Variants in CR1L observed in about 807,000 individuals in gnomAD.
CR1L encodes the protein complement component receptor 1-like protein.
Under a neutral mutation model 62.3 loss-of-function variants are expected in CR1L, and 59 were observed. The observed-to-expected ratio is 0.95, with a 90% CI of 0.77 to 1.18. The LOEUF is 1.18. Ranked by LOEUF, CR1L falls within the 50% of genes most tolerant of loss-of-function variation. The pLI, the probability that CR1L is intolerant of heterozygous loss-of-function variation, is 0.00. For synonymous variants in CR1L, 279 were observed against 248.7 expected, an observed-to-expected ratio of 1.12 and a Z score of -1.15; for missense variants, 700 against 702.8, an observed-to-expected ratio of 1.00 and a Z score of 0.04.
intron 9 of CR1L, among the ~76,000 whole-genome samples, chr1:207,705,366 A>G (rs1664251016): frequency 6.6e-6 from 1 of 152,238 alleles, no homozygotes; most frequent in South Asian, 2.1e-4. Flanking sequence ...AACCTATAAC[A>G]GAGTCCCTTT....
At chr1:207,694,286 A>G in intron 4 of CR1L, 67 bp from the exon 5 acceptor site, 2 of 1,567,844 alleles carry the variant, frequency 1.3e-6, no homozygotes, top group Admixed American at 3.6e-5. Flanking sequence ...AAAAATAGTT[A>G]CAGTTTAGTG....
chr1:207,669,122 C>A (rs749203146), intron 1 of CR1L: 1 of 261,014 alleles, frequency 3.8e-6, no homozygotes, highest in Non-Finnish European at 7.5e-6. Context: ...CATCATCCAC[C>A]GCCTTTGTCT....
intron 1 of CR1L, among the ~76,000 whole-genome samples, chr1:207,656,970 A>G (rs1431931313): frequency 6.6e-6 from 1 of 152,238 alleles, no homozygotes; most frequent in Admixed American, 6.5e-5. Context: ...TTGGGATGAT[A>G]TATTTGCTCA....
rs12074679 is a variant in CR1L at position 207,707,945 on chromosome 1, A to G, written c.1329-233A>G. On this transcript the variant is annotated intron_variant, in intron 9 of 11. Coordinates refer to ENST00000508064, the MANE Select transcript of CR1L (RefSeq NM_175710.2). ...ATTTTGGTGCCAGGTACAGTCCACA[A>G]TGAAGTCAAGATATTAAGAAGTAAA... Among the ~76,000 whole-genome samples the G allele has an allele frequency of 9.1e-3, 1,393 of 152,332 alleles. 28 individuals are homozygous for G. Among genetic ancestry groups the G allele is most frequent in the African/African-American group, 0.031 (1,301 of 41,574 alleles).
chr1:207,661,074 C>T (rs1465227888), intron 1 of CR1L, among the ~76,000 whole-genome samples: 1 of 152,122 alleles, frequency 6.6e-6, no homozygotes, highest in Admixed American at 6.5e-5. Context: ...ACTATGTGGT[C>T]AATTTTGGAA....
intron 7 of CR1L, 47 bp downstream of exon 7, chr1:207,697,920 G>A (rs766824247): frequency 1.2e-6 from 2 of 1,611,750 alleles, no homozygotes; most frequent in Admixed American, 3.3e-5. Context: ...ATTGGGGTTA[G>A]GAATTAGTCC....
Position 207,645,866 on chromosome 1 carries a change from C to A in CR1L, c.97+536C>A, listed in dbSNP as rs369162138. On this transcript the variant is annotated intron_variant, in intron 1 of 11. Transcript: ENST00000508064. Reference sequence around the variant, plus strand: ...CTGGGCTGGGCGAGCAGGGGCCTGGCCAGGTGTTGCTGGGAGCGTGCTGTG... The same window carrying A: ...CTGGGCTGGGCGAGCAGGGGCCTGGACAGGTGTTGCTGGGAGCGTGCTGTG... Among the ~76,000 whole-genome samples, 4 of 152,252 alleles carry A rather than the reference C, an allele frequency of 2.6e-5. No individual in the cohort carries two copies. The East Asian group carries it at 7.7e-4, about 29-fold the overall frequency.
At chr1:207,711,065 T>G (rs1175648163) in intron 10 of CR1L, among the ~76,000 whole-genome samples, 3 of 152,230 alleles carry the variant, frequency 2.0e-5, no homozygotes, top group Middle Eastern at 6.3e-3. Context: ...TCTCTCTCAA[T>G]TATATTGAAA....
intron 1 of CR1L, among the ~76,000 whole-genome samples, chr1:207,663,472 C>T (rs1473876895): frequency 2.6e-5 from 4 of 152,222 alleles, no homozygotes; most frequent in Non-Finnish European, 4.4e-5. Context: ...CCTGGTGTGC[C>T]GTTTGTTAAG....
chr1:207,648,411 G>T (rs1379133540), intron 1 of CR1L, among the ~76,000 whole-genome samples: 1 of 152,126 alleles, frequency 6.6e-6, no homozygotes, highest in African/African-American at 2.4e-5. Flanking sequence ...CCTAGAGAAA[G>T]TAAAAATGAG....
At chr1:207,713,632 T>C (rs1184136354) in intron 10 of CR1L, among the ~76,000 whole-genome samples, 2 of 152,070 alleles carry the variant, frequency 1.3e-5, no homozygotes, top group Admixed American at 1.3e-4. Flanking sequence ...AGTGAGCAAG[T>C]GGGGGTTCCA....
At chr1:207,712,324 A>G (rs1421834056) in intron 10 of CR1L, among the ~76,000 whole-genome samples, 1 of 152,256 alleles carries the variant, frequency 6.6e-6, no homozygotes, top group Non-Finnish European at 1.5e-5. Flanking sequence ...ACCAATACTA[A>G]TAACTCCACA....
At chr1:207,701,401 C>T in intron 8 of CR1L, 118 bp from the exon 9 acceptor site, 1 of 1,343,088 alleles carries the variant, frequency 7.4e-7, no homozygotes, top group Non-Finnish European at 1.0e-6. Flanking sequence ...GTGCCAAAAT[C>T]TGTGGAACTA....
chr1:207,675,284 G>A (rs1474750123), intron 1 of CR1L, among the ~76,000 whole-genome samples: 9 of 152,160 alleles, frequency 5.9e-5, no homozygotes, highest in African/African-American at 1.9e-4. Context: ...ATAGGGTGGG[G>A]CAGAGGGAAG....
intron 10 of CR1L, chr1:207,710,360 A>G (rs1664334133): frequency 7.4e-7 from 1 of 1,344,576 alleles, no homozygotes; most frequent in Non-Finnish European, 1.1e-6. Context: ...TGTTTTGGTG[A>G]ACTTGCGGTC....
chr1:207,709,004 C>T (rs1664312271), intron 10 of CR1L: 3 of 319,404 alleles, frequency 9.4e-6, no homozygotes, highest in African/African-American at 4.4e-5. Flanking sequence ...ATTTGTATTA[C>T]TTCTGAATCT....
chr1:207,661,238 G>T (rs1422066689), intron 1 of CR1L, among the ~76,000 whole-genome samples: 2 of 152,206 alleles, frequency 1.3e-5, no homozygotes, highest in Non-Finnish European at 2.9e-5. Flanking sequence ...AATGTTGACA[G>T]TGGGGTGTTA....
At chr1:207,707,741 C>T (rs1416934040) in intron 9 of CR1L, among the ~76,000 whole-genome samples, 2 of 147,630 alleles carry the variant, frequency 1.4e-5, no homozygotes, top group Non-Finnish European at 3.0e-5. Context: ...AGCAACAAAT[C>T]TTGTATTTAT....
chr1:207,706,013 G>GTATATATA (rs139294447), intron 9 of CR1L, among the ~76,000 whole-genome samples: 2,769 of 133,246 alleles, frequency 0.021, 49 homozygotes, highest in Middle Eastern at 0.04. Context: ...GTGTGTGTAT[G>GTATATATA]TATATATATA....
Sources: gnomAD v4.1 joint callset for allele counts (sites outside exome capture counted in the v4.1 genomes callset) on GRCh38, gnomAD v4.1.1 for gene constraint, MANE v1.5 for transcripts, NCBI Gene and HGNC (gene_info 2026-07-23, HGNC 2026-07-21) for gene names.